Variants in PCLO observed in about 807,000 individuals in gnomAD.
The protein encoded by PCLO is protein piccolo.
A neutral mutation model predicts 427.5 loss-of-function variants in PCLO; 82 were observed. That is an observed-to-expected ratio of 0.19 (90% CI 0.16 to 0.23). PCLO has a LOEUF of 0.23. PCLO is among the 10% of genes least tolerant of loss of function. PCLO has a pLI of 1.00. For synonymous variants in PCLO, 2,357 were observed against 2,155.4 expected (o/e 1.09, Z -2.59); for missense variants, 6,239 against 6,115.9 (o/e 1.02, Z -0.67).
intron 10 of PCLO, among the ~76,000 whole-genome samples, chr7:82,855,363 A>G (rs1792775840): frequency 1.3e-5 from 2 of 152,104 alleles, no homozygotes; most frequent in Non-Finnish European, 2.9e-5. Flanking sequence ...ATGAACCCCA[A>G]CCATCTCCTA....
intron 6 of PCLO, among the ~76,000 whole-genome samples, chr7:82,934,882 G>GATTATAATTAT (rs1794915410): frequency 6.6e-6 from 1 of 151,218 alleles, no homozygotes; most frequent in Non-Finnish European, 1.5e-5. Context: ...TATGATAAAT[G>GATTATAATTAT]GCTAATTGTT....
chr7:82,860,911 T>C (rs1325112482), intron 10 of PCLO, among the ~76,000 whole-genome samples: 1 of 152,040 alleles, frequency 6.6e-6, no homozygotes, highest in African/African-American at 2.4e-5. Flanking sequence ...TAATGGGTTA[T>C]AAGATAGTAT....
chr7:83,096,905 TATTATCTAAATATATATAATATAATATA>T lies in PCLO; in HGVS notation c.3300+37317_3300+37344del, dbSNP rs1562962153. On this transcript the variant is annotated intron_variant, in intron 3 of 24. Transcript: ENST00000333891. ...TATATTATATAATATATTAATATTATATTATCTAAATATATATAATATAATATAATATATTATATATTATATAAATAAT... is the reference window on the plus strand; with the variant it reads ...TATATTATATAATATATTAATATTATATATATTATATATTATATAAATAAT... Among the ~76,000 whole-genome samples, 414 of 52,396 alleles carry T rather than the reference TATTATCTAAATATATATAATATAATATA, an allele frequency of 7.9e-3. 76 individuals carry two copies. The highest frequency in any genetic ancestry group is 0.032 in the African/African-American group (236 of 7,418). 34.4% of individuals were successfully genotyped at this position (52,396 alleles called of 152,430 possible). A position where few individuals can be genotyped will look rare whatever the true frequency, so the allele number is the denominator to read the frequency against.
intron 22 of PCLO, among the ~76,000 whole-genome samples, chr7:82,798,167 A>G (rs759727758): frequency 2.6e-5 from 4 of 152,130 alleles, no homozygotes; most frequent in Non-Finnish European, 5.9e-5. Flanking sequence ...AGTATTTCTT[A>G]GAGTGGACTA....
intron 3 of PCLO, among the ~76,000 whole-genome samples, chr7:83,079,850 T>C (rs1348033105): frequency 6.6e-6 from 1 of 151,982 alleles, no homozygotes; most frequent in Non-Finnish European, 1.5e-5. Context: ...GCATTAGCTA[T>C]TTTTCCTAAT....
rs925395011 is a variant in PCLO at position 82,950,109 on chromosome 7, A to G, written c.10479T>C (p.Arg3493=). ...TCATGCTGTCACCATATTTCCCTAC[A>G]CGAGCTTTCCTCCTTGATCTAGTAG... ...DMPTRSRRKA[R]VGKYGDSMTE... is the part of the protein sequence containing the mutation. The change falls in exon 6 of 25, where the codon CGT becomes CGC. Residue 3493 remains arginine, a synonymous_variant. Transcript: ENST00000333891. The G allele has an allele frequency of 6.2e-7, 1 of 1,609,414 alleles. No individual in the cohort carries two copies. Among genetic ancestry groups the G allele is most frequent in the Admixed American group, 1.7e-5 (1 of 59,292 alleles).
intron 1 of PCLO, among the ~76,000 whole-genome samples, chr7:83,158,135 G>A (rs1220640212): frequency 6.6e-6 from 1 of 151,988 alleles, no homozygotes; most frequent in Non-Finnish European, 1.5e-5. Context: ...AGACAAATAA[G>A]TAGATTCTGA....
intron 9 of PCLO, among the ~76,000 whole-genome samples, chr7:82,899,652 CA>C (rs896005726): frequency 3.3e-5 from 5 of 150,930 alleles, no homozygotes; most frequent in African/African-American, 1.2e-4. Flanking sequence ...ATTTATTGTC[CA>C]AAAAAATAAC....
rs547914465 is a variant in PCLO at position 83,088,326 on chromosome 7, T to G, written c.3300+45924A>C. ...AAGAGATGTGAAGGCTTTGCATCCC[T>G]GGGGAACAAAGTGGACGCACTGTGT... is the stretch of plus-strand genomic sequence containing the variant. On this transcript the variant is annotated intron_variant, in intron 3 of 24. Transcript: ENST00000333891. Among the ~76,000 whole-genome samples the G allele has an allele frequency of 2.0e-5, 3 of 152,314 alleles. No individual in the cohort carries two copies. In the South Asian group the frequency reaches 6.2e-4, roughly 32 times the overall value.
At chr7:83,095,908 G>A (rs1295582100) in intron 3 of PCLO, among the ~76,000 whole-genome samples, 3 of 151,960 alleles carry the variant, frequency 2.0e-5, no homozygotes, top group African/African-American at 7.2e-5. Flanking sequence ...TGTGTTGTTG[G>A]ATGAGGGTTT....
chr7:82,944,123 G>A (rs575908206), intron 6 of PCLO, among the ~76,000 whole-genome samples: 7 of 96,928 alleles, frequency 7.2e-5, no homozygotes, highest in South Asian at 6.3e-4. Context: ...CCTGGGCAAC[G>A]GAACAAGAAT....
At chr7:83,093,492 A>ATATATATATATATTTTTTT in intron 3 of PCLO, among the ~76,000 whole-genome samples, 7 of 59,318 alleles carry the variant, frequency 1.2e-4, no homozygotes, top group African/African-American at 3.2e-4. Context: ...ATATATATAT[A>ATATATATATATATTTTTTT]TTTTTTTTTT....
chr7:83,093,492 A>ATATATATATATATATTTTTTTTT, intron 3 of PCLO, among the ~76,000 whole-genome samples: 12 of 59,296 alleles, frequency 2.0e-4, no homozygotes, highest in South Asian at 1.2e-3. Flanking sequence ...ATATATATAT[A>ATATATATATATATATTTTTTTTT]TTTTTTTTTT....
At chr7:83,084,581 G>A (rs1190443952) in intron 3 of PCLO, among the ~76,000 whole-genome samples, 2 of 152,100 alleles carry the variant, frequency 1.3e-5, no homozygotes, top group Non-Finnish European at 2.9e-5. Flanking sequence ...AAGAATAAAT[G>A]TTATTATGTT....
intron 7 of PCLO, chr7:82,914,381 G>A: frequency 1.9e-6 from 1 of 522,136 alleles, no homozygotes; most frequent in Non-Finnish European, 3.4e-6. Context: ...TGGATTTATA[G>A]GATGACCATA....
intron 20 of PCLO, among the ~76,000 whole-genome samples, chr7:82,812,167 T>C (rs988784605): frequency 3.3e-5 from 5 of 151,540 alleles, no homozygotes; most frequent in Non-Finnish European, 7.4e-5. Context: ...ATTGGCCTTA[T>C]GACTGAATTC....
At chr7:83,162,035 T>C (rs764289633) in intron 1 of PCLO, among the ~76,000 whole-genome samples, 1 of 152,206 alleles carries the variant, frequency 6.6e-6, no homozygotes. Flanking sequence ...ACTTCCAGAT[T>C]AGTAAAACAC....
At chr7:82,808,165 T>C (rs1791494876) in intron 20 of PCLO, among the ~76,000 whole-genome samples, 1 of 151,954 alleles carries the variant, frequency 6.6e-6, no homozygotes, top group Non-Finnish European at 1.5e-5. Flanking sequence ...AGTATGACAT[T>C]GAATGGAAGA....
At chr7:83,126,233 TAGTG>T (rs536590281) in intron 3 of PCLO, among the ~76,000 whole-genome samples, 148 of 152,256 alleles carry the variant, frequency 9.7e-4, no homozygotes, top group African/African-American at 3.3e-3. Flanking sequence ...CTGGGAAGGA[TAGTG>T]GGTGGAGCAG....
Sources: allele counts gnomAD v4.1 joint callset (sites outside exome capture counted in the v4.1 genomes callset), GRCh38; gene constraint gnomAD v4.1.1; transcripts MANE v1.5; gene names NCBI Gene and HGNC (gene_info 2026-07-23, HGNC 2026-07-21).